KCNJ10: variants seen among roughly 807,000 people sequenced by gnomAD.
KCNJ10 encodes the protein potassium inwardly rectifying channel subfamily J member 10, also known as ATP-sensitive inward rectifier potassium channel 10.
A neutral mutation model predicts 22.2 loss-of-function variants in KCNJ10; 9 were observed. The observed-to-expected ratio is 0.40, with a 90% confidence interval of 0.24 to 0.71. The LOEUF (loss-of-function observed/expected upper bound fraction) is 0.71, where lower values mean the gene tolerates loss of function less well. Ranked by LOEUF, KCNJ10 falls within the 30% of genes least tolerant of loss-of-function variation. KCNJ10 has a pLI of 0.35. For missense variants in KCNJ10, 337 were observed against 482.7 expected, an observed-to-expected ratio of 0.70 and a Z score of 2.83; for synonymous variants, 184 against 187.3, an observed-to-expected ratio of 0.98 and a Z score of 0.15.
At chr1:160,054,969 C>T (rs1419697520) in intron 1 of KCNJ10, among the ~76,000 whole-genome samples, 6 of 152,170 alleles carry the variant, frequency 3.9e-5, no homozygotes, top group Non-Finnish European at 7.3e-5. Flanking sequence ...CCACCCCATG[C>T]GGAAGACTGA....
chr1:160,066,421 G>A (rs546320519), intron 1 of KCNJ10, among the ~76,000 whole-genome samples: 2 of 152,272 alleles, frequency 1.3e-5, no homozygotes, highest in Admixed American at 1.3e-4. Flanking sequence ...AACCCACAAA[G>A]AAGGGCTGGG....
chr1:160,058,848 G>T (rs1484707697), intron 1 of KCNJ10, among the ~76,000 whole-genome samples: 2 of 151,888 alleles, frequency 1.3e-5, no homozygotes, highest in African/African-American at 2.4e-5. Context: ...CAAATAATGG[G>T]GTCTCTTCCA....
At chr1:160,057,232 G>A (rs1461262967) in intron 1 of KCNJ10, among the ~76,000 whole-genome samples, 1 of 152,178 alleles carries the variant, frequency 6.6e-6, no homozygotes, top group Non-Finnish European at 1.5e-5. Context: ...CTGAATCAGA[G>A]AAACTAAGGT....
intron 1 of KCNJ10, among the ~76,000 whole-genome samples, chr1:160,045,264 C>A (rs1428874535): frequency 6.6e-6 from 1 of 152,238 alleles, no homozygotes; most frequent in East Asian, 1.9e-4. Context: ...AGAGCTTCAT[C>A]TTTGGCCTTG....
chr1:160,041,386 C>T lies in KCNJ10; in HGVS notation c.*7G>A, dbSNP rs371239938. 4.3e-6 allele frequency: 7 copies of T among 1,611,092 alleles called. No individual in the cohort carries two copies. The South Asian group carries it at 6.6e-5, about 15-fold the overall frequency. ...GACCAGAGGAATGGGGGAGTGGGAA[C>T]AGGTCATCAGACATTGCTGATGCGC... On this transcript the variant is annotated 3_prime_UTR_variant, in exon 2 of 2. Coordinates refer to ENST00000644903, the MANE Select transcript of KCNJ10 (RefSeq NM_002241.5). This position sits in a 1 kb window ranked among gnomAD's most constrained non-coding sequence, Gnocchi z 4.4.
rs1403660162 is a variant in KCNJ10, at chr1:160,038,690, ATC to A, written c.*2701_*2702del. 6.6e-6 allele frequency: 1 copy of A among 152,128 alleles called. No homozygotes were observed. Among genetic ancestry groups the A allele is most frequent in the Non-Finnish European group, 1.5e-5 (1 of 68,026 alleles). The allele number at this position is 152,128 out of a possible 1,614,324, so 9.4% of individuals were successfully genotyped here. A position where few individuals can be genotyped will look rare whatever the true frequency, so the allele number is the denominator to read the frequency against. The stretch of plus-strand genomic sequence containing the variant: ...ATATACATCTTTCTATATATATATT[ATC>A]TCTGTTTCTTTCTTCTTAGATAAAC... On this transcript the variant is annotated 3_prime_UTR_variant, in exon 2 of 2. Coordinates refer to ENST00000644903, the MANE Select transcript of KCNJ10 (RefSeq NM_002241.5).
intron 1 of KCNJ10, among the ~76,000 whole-genome samples, chr1:160,057,157 T>G (rs1571272840): frequency 6.6e-6 from 1 of 152,198 alleles, no homozygotes. Flanking sequence ...GTATATGAAA[T>G]CTGTAAGGCC....
At chr1:160,063,883 G>A (rs1443180617) in intron 1 of KCNJ10, among the ~76,000 whole-genome samples, 3 of 152,348 alleles carry the variant, frequency 2.0e-5, no homozygotes, top group East Asian at 3.9e-4. Flanking sequence ...TGAGCTCTAC[G>A]CTGAGCCCTT....
intron 1 of KCNJ10, among the ~76,000 whole-genome samples, chr1:160,050,619 GC>G (rs1648879732): frequency 6.6e-6 from 1 of 152,166 alleles, no homozygotes; most frequent in Admixed American, 6.5e-5. Flanking sequence ...TACAAGAAGA[GC>G]TTGTGAAGGG....
rs1648515012 is a variant in KCNJ10 at position 160,037,957 on chromosome 1, G to A, written c.*3436C>T. The A allele has an allele frequency of 6.6e-6, 1 of 152,262 alleles. No homozygotes were observed. The highest frequency in any genetic ancestry group is 1.9e-4 in the East Asian group (1 of 5,200). 9.4% of individuals were successfully genotyped at this position (152,262 alleles called of 1,614,324 possible). ...CCCCACTCCTCATTTTCATTCAGAA[G>A]CATCAAAACCAAAGCATCACCCTCC... On this transcript the variant is annotated 3_prime_UTR_variant, in exon 2 of 2. Coordinates refer to ENST00000644903, the MANE Select transcript of KCNJ10 (RefSeq NM_002241.5).
chr1:160,047,323 G>T (rs1179560088), intron 1 of KCNJ10, among the ~76,000 whole-genome samples: 1 of 152,174 alleles, frequency 6.6e-6, no homozygotes, highest in Non-Finnish European at 1.5e-5. Context: ...CTTCTGACTA[G>T]AAAGAGTGCT....
chr1:160,038,939 G>A lies in KCNJ10; in HGVS notation c.*2454C>T, dbSNP rs1334802462. ...CGAAATCTCCCCTTTTTACAACTGT[G>A]CCTACTACTCTGCTGATATTCCAAG... On this transcript the variant is annotated 3_prime_UTR_variant, in exon 2 of 2. Transcript: ENST00000644903. 6.6e-6 allele frequency: 1 copy of A among 152,300 alleles called. No individual in the cohort carries two copies. The highest frequency in any genetic ancestry group is 1.5e-5 in the Non-Finnish European group (1 of 68,060). 9.4% of individuals were successfully genotyped at this position (152,300 alleles called of 1,614,324 possible).
intron 1 of KCNJ10, among the ~76,000 whole-genome samples, chr1:160,053,791 G>C (rs1648959791): frequency 6.6e-6 from 1 of 152,206 alleles, no homozygotes; most frequent in African/African-American, 2.4e-5. Context: ...CGTTTGGAAA[G>C]TTCTCATAGT....
intron 1 of KCNJ10, among the ~76,000 whole-genome samples, chr1:160,048,899 CTCTGT>C (rs1016685101): frequency 4.6e-5 from 7 of 152,302 alleles, no homozygotes; most frequent in Non-Finnish European, 4.4e-5. Context: ...CATCTCATGT[CTCTGT>C]TCTTTCTCTC....
At chr1:160,062,302 G>T (rs1244976847) in intron 1 of KCNJ10, among the ~76,000 whole-genome samples, 3 of 152,192 alleles carry the variant, frequency 2.0e-5, no homozygotes, top group African/African-American at 4.8e-5. Context: ...TGACTGTTTG[G>T]GGGAACTAGG....
Position 160,042,253 on chromosome 1 carries a change from C to T in KCNJ10, c.280G>A (p.Gly94Arg). The change falls in exon 2 of 2, where the codon GGG (glycine) becomes AGG (arginine). Residue 94 changes from glycine (G) to arginine (R), a missense_variant. Physicochemically the swap from Gly to Arg is moderately radical, Grantham distance 125. Around this residue, in one of 3 missense-constraint regions of KCNJ10, gnomAD observed 107 missense variants for 135.2 expected, o/e 0.79. Transcript: ENST00000644903. ...GGGGGGTCCAGCTCCAGCAGGTCCC[C>T]ATGTGCCACAGCTACCAGATACCAC... The part of the protein sequence containing the change: ...VVWYLVAVAH[G>R]DLLELDPPAN... 1 of 1,614,054 alleles carries T rather than the reference C, an allele frequency of 6.2e-7. No individual in the cohort carries two copies.
At chr1:160,054,015 G>A (rs1458346487) in intron 1 of KCNJ10, among the ~76,000 whole-genome samples, 3 of 152,052 alleles carry the variant, frequency 2.0e-5, no homozygotes, top group Non-Finnish European at 2.9e-5. Flanking sequence ...ATCCCCAAGC[G>A]GTGCCTTCTG....
At chr1:160,061,982 A>G (rs1046728439) in intron 1 of KCNJ10, among the ~76,000 whole-genome samples, 1 of 151,920 alleles carries the variant, frequency 6.6e-6, no homozygotes, top group African/African-American at 2.4e-5. Context: ...TGGCAGCCAC[A>G]GGTCCAGGCT....
intron 1 of KCNJ10, among the ~76,000 whole-genome samples, chr1:160,054,999 G>T (rs1030930272): frequency 1.3e-5 from 2 of 152,130 alleles, no homozygotes; most frequent in African/African-American, 4.8e-5. Context: ...CCATCAGGGG[G>T]TGGGGCTCCC....
Sources: allele counts gnomAD v4.1 joint callset (sites outside exome capture counted in the v4.1 genomes callset), GRCh38; gene constraint gnomAD v4.1.1; regional missense constraint gnomAD v4.1.1; non-coding constraint Gnocchi (gnomAD v3.1); transcripts MANE v1.5; gene names NCBI Gene and HGNC (gene_info 2026-07-23, HGNC 2026-07-21).